The following PRMT8 variants were observed in gnomAD, a reference collection of about 807,000 sequenced individuals.
The protein encoded by PRMT8 is protein arginine N-methyltransferase 8.
Under a neutral mutation model 47.1 loss-of-function variants are expected in PRMT8, and 7 were observed. The ratio of observed to expected loss-of-function variants is 0.15; its 90% CI spans 0.08 to 0.28. PRMT8 has a LOEUF of 0.28. Ranked by LOEUF, PRMT8 falls within the 10% of genes least tolerant of loss-of-function variation. The pLI is 1.00. For missense variants in PRMT8, 237 were observed against 505.4 expected, an observed-to-expected ratio of 0.47 and a Z score of 5.09; for synonymous variants, 188 against 186.5, an observed-to-expected ratio of 1.01 and a Z score of -0.07.
At position 3,568,910 on chromosome 12, in the gene PRMT8, G is replaced by A; in HGVS notation, c.624+62G>A. 5.0e-6 allele frequency: 8 copies of A among 1,602,910 alleles called. No individual in the cohort carries two copies. In the South Asian group the frequency reaches 6.7e-5, roughly 13 times the overall value. On this transcript the variant is annotated intron_variant, in intron 5 of 9. Coordinates refer to ENST00000382622, the MANE Select transcript of PRMT8 (RefSeq NM_019854.5). ...TGGCTGTCCTGCTCCTCTACCCAAG[G>A]CCTGCAGCCTAGGAGGCATACGAAG... is the stretch of plus-strand genomic sequence containing the variant.
chr12:3,413,212 A>G (rs1864449798), intron 1 of PRMT8, among the ~76,000 whole-genome samples: 1 of 152,092 alleles, frequency 6.6e-6, no homozygotes, highest in South Asian at 2.1e-4. Flanking sequence ...GGCTGTTCTC[A>G]TGGTAGTGAA....
intron 1 of PRMT8, among the ~76,000 whole-genome samples, chr12:3,432,628 T>G (rs1591548244): frequency 6.6e-6 from 1 of 150,558 alleles, no homozygotes. Flanking sequence ...ACAGGAGAGG[T>G]GAGAAAGGCT....
intron 1 of PRMT8, among the ~76,000 whole-genome samples, chr12:3,393,063 GT>G (rs888769782): frequency 2.0e-5 from 3 of 151,620 alleles, no homozygotes; most frequent in Admixed American, 6.6e-5. Flanking sequence ...GGGGTTGTTT[GT>G]TTTTTTTCTT....
chr12:3,391,972 TAGAG>T (rs1001272342), intron 1 of PRMT8, among the ~76,000 whole-genome samples: 1 of 151,830 alleles, frequency 6.6e-6, no homozygotes, highest in Non-Finnish European at 1.5e-5. Flanking sequence ...TATCCACAAA[TAGAG>T]AGAGGAGAAG....
chr12:3,463,919 C>T (rs1180932005), intron 1 of PRMT8, among the ~76,000 whole-genome samples: 1 of 152,152 alleles, frequency 6.6e-6, no homozygotes, highest in African/African-American at 2.4e-5. Context: ...ATAATGCTTC[C>T]GTCTTGAGGA....
chr12:3,408,836 A>T (rs1356570892), intron 1 of PRMT8, among the ~76,000 whole-genome samples: 1 of 152,198 alleles, frequency 6.6e-6, no homozygotes, highest in Non-Finnish European at 1.5e-5. Flanking sequence ...TTCAGCTGTA[A>T]TCAATGTCAG....
rs1045394474 is a variant in PRMT8, at chr12:3,580,667, G to A, written c.829-2391G>A. On this transcript the variant is annotated intron_variant, in intron 7 of 9. Coordinates refer to ENST00000382622, the MANE Select transcript of PRMT8 (RefSeq NM_019854.5). This position sits in a 1 kb window ranked among gnomAD's most constrained non-coding sequence, Gnocchi z 4.6. ...TGTATCGGCCAGGGCAAGGGCGAAG[G>A]TGGTGAGACTGCGATATGAGCCAGA... Among the ~76,000 whole-genome samples, 1 of 152,164 alleles carries A rather than the reference G, an allele frequency of 6.6e-6. No individual in the cohort carries two copies. The highest frequency in any genetic ancestry group is 1.5e-5 in the Non-Finnish European group (1 of 68,040).
chr12:3,486,055 T>G (rs1236175337), intron 1 of PRMT8, among the ~76,000 whole-genome samples: 1 of 152,162 alleles, frequency 6.6e-6, no homozygotes, highest in African/African-American at 2.4e-5. Flanking sequence ...ATGCCACAAG[T>G]GACATTGGTA....
chr12:3,578,383 C>G (rs1466603365), intron 7 of PRMT8, among the ~76,000 whole-genome samples: 1 of 151,534 alleles, frequency 6.6e-6, no homozygotes, highest in Non-Finnish European at 1.5e-5. Flanking sequence ...TGCCACCAGG[C>G]ATGGCTAATT....
At chr12:3,517,596 G>A (rs781266194) in intron 1 of PRMT8, among the ~76,000 whole-genome samples, 1 of 152,128 alleles carries the variant, frequency 6.6e-6, no homozygotes, top group African/African-American at 2.4e-5. Flanking sequence ...AGAAACCTCC[G>A]GTAAGCGGGG....
rs866039464 is a variant in PRMT8, at chr12:3,456,224, G to A, written c.48+74782G>A. 6.6e-5 allele frequency among the ~76,000 whole-genome samples: 10 copies of A among 152,324 alleles called. No individual in the cohort carries two copies. The highest frequency in any genetic ancestry group is 6.8e-3 in the Middle Eastern group (2 of 294). ...GCACACCAAGCGCCACCTTTGAGCGGGAAATGGCAGCCTCCCCTTGCCTGC... is the reference window on the plus strand; with the variant it reads ...GCACACCAAGCGCCACCTTTGAGCGAGAAATGGCAGCCTCCCCTTGCCTGC... On this transcript the variant is annotated intron_variant, in intron 1 of 9. Transcript: ENST00000452611. The surrounding 1 kb of genome is among the most constrained non-coding windows in gnomAD (Gnocchi z 4.2).
chr12:3,580,781 C>A lies in PRMT8; in HGVS notation c.829-2277C>A, dbSNP rs771661281. Among the ~76,000 whole-genome samples, 1 of 152,106 alleles carries A rather than the reference C, an allele frequency of 6.6e-6. No homozygotes were observed. The highest frequency in any genetic ancestry group is 2.4e-5 in the African/African-American group (1 of 41,400). Reference sequence around the variant, plus strand: ...ACCTTGGAAAGAGCCTGGAGCCTGGCTGATTGGCCCTGAGAAGGTGATGGA... The same window carrying A: ...ACCTTGGAAAGAGCCTGGAGCCTGGATGATTGGCCCTGAGAAGGTGATGGA... On this transcript the variant is annotated intron_variant, in intron 7 of 9. Transcript: ENST00000382622. The surrounding 1 kb of genome is among the most constrained non-coding windows in gnomAD (Gnocchi z 4.6).
intron 1 of PRMT8, among the ~76,000 whole-genome samples, chr12:3,433,517 G>A (rs564084938): frequency 1.6e-4 from 24 of 152,308 alleles, no homozygotes; most frequent in African/African-American, 4.6e-4. Flanking sequence ...GAGCAGTTAC[G>A]TAATTTGCTC....
In PRMT8 at chr12:3,570,419, A is replaced by C. The variant is rs1866825474; in HGVS notation, c.712+855A>C. Among the ~76,000 whole-genome samples, 1 of 152,196 alleles carries C rather than the reference A, an allele frequency of 6.6e-6. No individual in the cohort carries two copies. Among genetic ancestry groups the C allele is most frequent in the Non-Finnish European group, 1.5e-5 (1 of 68,032 alleles). On this transcript the variant is annotated intron_variant, in intron 6 of 9. Transcript: ENST00000382622. The surrounding 1 kb of genome is among the most constrained non-coding windows in gnomAD (Gnocchi z 5.5). ...GAGCAAAGAACCCCTCAAACAGGCA[A>C]ACACCCAAAAATCCAAATTAAAGCA...
intron 1 of PRMT8, among the ~76,000 whole-genome samples, chr12:3,447,136 AAAG>A (rs1470476987): frequency 3.3e-5 from 5 of 152,156 alleles, no homozygotes; most frequent in African/African-American, 1.2e-4. Context: ...CAAAGACCGA[AAAG>A]CACCTGGAAG....
intron 1 of PRMT8, among the ~76,000 whole-genome samples, chr12:3,412,908 C>T (rs1260502038): frequency 6.6e-6 from 1 of 152,206 alleles, no homozygotes; most frequent in Non-Finnish European, 1.5e-5. Flanking sequence ...CCACCATGCC[C>T]AGCTGCATTT....
At chr12:3,422,811 A>G (rs1252309479) in intron 1 of PRMT8, among the ~76,000 whole-genome samples, 1 of 152,216 alleles carries the variant, frequency 6.6e-6, no homozygotes, top group Non-Finnish European at 1.5e-5. Flanking sequence ...GAAATTTGGC[A>G]TAAGACAGTA....
chr12:3,536,536 A>G (rs888439803), intron 1 of PRMT8, among the ~76,000 whole-genome samples: 23 of 152,210 alleles, frequency 1.5e-4, no homozygotes, highest in African/African-American at 5.3e-4. Flanking sequence ...CACAATGCCC[A>G]GGCCAGCTAG....
At chr12:3,561,326 A>G (rs1229757182) in intron 4 of PRMT8, among the ~76,000 whole-genome samples, 1 of 152,204 alleles carries the variant, frequency 6.6e-6, no homozygotes, top group African/African-American at 2.4e-5. Context: ...CACTGTTCCT[A>G]GCTGGAGACC....
Sources: gnomAD v4.1 joint callset for allele counts (sites outside exome capture counted in the v4.1 genomes callset) on GRCh38, gnomAD v4.1.1 for gene constraint, Gnocchi (gnomAD v3.1) non-coding constraint, MANE v1.5 for transcripts, NCBI Gene and HGNC (gene_info 2026-07-23, HGNC 2026-07-21) for gene names.